Variants in LIPT1 observed in about 807,000 individuals in gnomAD.
LIPT1 encodes lipoyl amidotransferase LIPT1, mitochondrial.
LIPT1 carries 22 observed loss-of-function variants against 25.1 expected under a neutral mutation model. The ratio of observed to expected loss-of-function variants is 0.88; its 90% CI spans 0.63 to 1.25. The LOEUF is 1.25. Among genes scored for constraint, LIPT1 ranks in the 50% most tolerant of loss-of-function variants. The pLI, the probability that LIPT1 is intolerant of heterozygous loss-of-function variation, is 0.00. For missense variants in LIPT1, 399 were observed against 432.8 expected, an observed-to-expected ratio of 0.92 and a Z score of 0.69; for synonymous variants, 131 against 150.8, an observed-to-expected ratio of 0.87 and a Z score of 0.96.
At chr2:99,159,224 C>G (rs930648022) in intron 1 of LIPT1, among the ~76,000 whole-genome samples, 1 of 151,784 alleles carries the variant, frequency 6.6e-6, no homozygotes, top group African/African-American at 2.4e-5. Context: ...CCACCATGCC[C>G]GGCTAATTTT....
intron 1 of LIPT1, 80 bp from the exon 2 acceptor site, chr2:99,161,877 C>A: frequency 7.9e-7 from 1 of 1,273,140 alleles, no homozygotes; most frequent in Non-Finnish European, 1.1e-6. Context: ...GATTAAATAA[C>A]CGATAATTGA....
At chr2:99,158,299 G>A (rs766134380) in intron 1 of LIPT1, among the ~76,000 whole-genome samples, 11 of 151,860 alleles carry the variant, frequency 7.2e-5, no homozygotes, top group Admixed American at 5.2e-4. Context: ...ATCTCTAGGC[G>A]GTGTCCCTGA....
At position 99,157,050 on chromosome 2, in the gene LIPT1, C is replaced by T. The variant is rs570366343; in HGVS notation, c.-2+1999C>T. On this transcript the variant is annotated intron_variant, in intron 1 of 1. Coordinates refer to ENST00000651691, the MANE Select transcript of LIPT1 (RefSeq NM_145199.3). ...TTTAATTCTCTCAACCATTTTATGA[C>T]GTCTGAGGCCACTGAAGCAGCTAGA... 8.5e-5 allele frequency among the ~76,000 whole-genome samples: 13 copies of T among 152,322 alleles called. 1 individual carries two copies. The South Asian group carries it at 2.3e-3, about 27-fold the overall frequency.
chr2:99,162,633 G>A lies in LIPT1; in HGVS notation c.676G>A (p.Val226Ile), dbSNP rs757729215. ...LEKDPTLTCE[V>I]LMNAVATEYA... The stretch of plus-strand genomic sequence containing the variant: ...AAAGGATCCCACTCTGACCTGTGAA[G>A]TACTAATGAATGCTGTTGCTACAGA... The change falls in exon 2 of 2, where the codon GTA becomes ATA. Residue 226 changes from valine (V) to isoleucine (I), a missense_variant. Val to Ile is a conservative substitution (Grantham distance 29). Coordinates refer to ENST00000651691, the MANE Select transcript of LIPT1 (RefSeq NM_145199.3). 7.4e-6 allele frequency: 12 copies of A among 1,613,954 alleles called. No homozygotes were observed. The South Asian group carries it at 1.3e-4, about 18-fold the overall frequency.
In LIPT1 at chr2:99,157,497, T is replaced by C. The variant is rs80271485; in HGVS notation, c.-2+2446T>C. On this transcript the variant is annotated intron_variant, in intron 1 of 1. Transcript: ENST00000651691. ...CCACTTCACAACTAGAATACCCTCA[T>C]TGTATCCACCTTGGGCCTCCTATTT... Among the ~76,000 whole-genome samples the C allele has an allele frequency of 9.6e-3, 1,466 of 152,320 alleles. 15 individuals carry two copies. Among genetic ancestry groups the C allele is most frequent in the African/African-American group, 0.034 (1,393 of 41,566 alleles).
At chr2:99,156,868 T>C (rs1001857240) in intron 1 of LIPT1, 1 of 152,270 alleles carries the variant, frequency 6.6e-6, no homozygotes, top group Non-Finnish European at 1.5e-5. Flanking sequence ...AATGCCACTT[T>C]GATGTGTCTT....
chr2:99,158,429 CAAAAAAAAAAA>C (rs753259893), intron 1 of LIPT1, among the ~76,000 whole-genome samples: 17 of 96,560 alleles, frequency 1.8e-4, no homozygotes, highest in South Asian at 3.8e-4. Context: ...TTCATCTCTA[CAAAAAAAAAAA>C]AAAAAAAAAA....
chr2:99,161,761 G>A lies in LIPT1; in HGVS notation c.-1-196G>A, dbSNP rs2093794820. ...GAAATTATTTCAACTGAAATTATTTGAAATTTGTCTTCATTTATTTCTTTT... is the reference window on the plus strand; with the variant it reads ...GAAATTATTTCAACTGAAATTATTTAAAATTTGTCTTCATTTATTTCTTTT... On this transcript the variant is annotated intron_variant, in intron 1 of 1. Coordinates refer to ENST00000651691, the MANE Select transcript of LIPT1 (RefSeq NM_145199.3). 6.3e-6 allele frequency: 3 copies of A among 472,774 alleles called. No individual in the cohort carries two copies. In the East Asian group the frequency reaches 9.6e-5, roughly 15 times the overall value. The allele number at this position is 472,774 out of a possible 1,614,324, so 29.3% of individuals were successfully genotyped here.
chr2:99,161,291 A>C (rs13026523), intron 1 of LIPT1: 1 of 21,808 alleles, frequency 4.6e-5, no homozygotes, highest in African/African-American at 1.8e-4. Context: ...AAAAAAAAAA[A>C]ATATATATAT....
At chr2:99,155,537 C>T in intron 1 of LIPT1, 1 of 454,744 alleles carries the variant, frequency 2.2e-6, no homozygotes. Context: ...GTCCCAAGAA[C>T]ATGGAAGGTA....
chr2:99,162,036 A>G lies in LIPT1; in HGVS notation c.79A>G (p.Thr27Ala). The G allele has an allele frequency of 6.2e-7, 1 of 1,614,126 alleles. No individual in the cohort carries two copies. The highest frequency in any genetic ancestry group is 1.3e-5 in the African/African-American group (1 of 75,048). ...CQVPAAGFKKTVKNGLILQSI... is the reference protein window; with the variant it reads ...CQVPAAGFKKAVKNGLILQSI... Reference sequence around the variant, plus strand: ...GGTCCCAGCAGCTGGCTTTAAAAAAACAGTAAAAAATGGGCTCATTTTACA... The same window carrying G: ...GGTCCCAGCAGCTGGCTTTAAAAAAGCAGTAAAAAATGGGCTCATTTTACA... Residue 27 changes from threonine to alanine, a missense_variant, in exon 2 of 2, where the codon ACA becomes GCA. Transcript: ENST00000651691.
In LIPT1 at chr2:99,163,034, C is replaced by T. The variant is rs755679161; in HGVS notation, c.1077C>T (p.Asn359=). The T allele has an allele frequency of 1.9e-6, 3 of 1,591,754 alleles. No individual in the cohort carries two copies. The highest frequency in any genetic ancestry group is 2.7e-5 in the African/African-American group (2 of 73,778). ...LRTCPQDHKL[N]SKWNILCEKI... ...CATGTCCACAAGACCACAAACTAAA[C>T]AGTAAATGGAATATTCTCTGTGAAA... is the stretch of plus-strand genomic sequence containing the variant. The change falls in exon 2 of 2, where the codon AAC becomes AAT. Residue 359 remains asparagine, a synonymous_variant. Coordinates refer to ENST00000651691, the MANE Select transcript of LIPT1 (RefSeq NM_145199.3).
In LIPT1 at chr2:99,162,940, A is replaced by G; in HGVS notation, c.983A>G (p.Asn328Ser). 6.2e-7 allele frequency: 1 copy of G among 1,614,016 alleles called. No individual in the cohort carries two copies. Among genetic ancestry groups the G allele is most frequent in the Non-Finnish European group, 8.5e-7 (1 of 1,179,984 alleles). The part of the protein sequence containing the change: ...WLPLEIRDKL[N>S]SSLIGSKFCP... ...CCATTGGAAATACGTGACAAATTAAATTCAAGTCTTATTGGCAGTAAGTTT... is the reference window on the plus strand; with the variant it reads ...CCATTGGAAATACGTGACAAATTAAGTTCAAGTCTTATTGGCAGTAAGTTT... Residue 328 changes from asparagine to serine, a missense_variant, in exon 2 of 2, where the codon AAT becomes AGT. By Grantham distance (46) the Asn-to-Ser change is conservative. Coordinates refer to ENST00000651691, the MANE Select transcript of LIPT1 (RefSeq NM_145199.3).
chr2:99,155,159 C>T, intron 1 of LIPT1, 108 bp downstream of exon 1: 2 of 426,712 alleles, frequency 4.7e-6, no homozygotes, highest in Non-Finnish European at 9.4e-6. Context: ...TCAGGACTTG[C>T]GGGTCGCCTC....
intron 1 of LIPT1, among the ~76,000 whole-genome samples, chr2:99,160,669 TCTTAGC>T (rs1183245363): frequency 2.6e-5 from 4 of 152,218 alleles, no homozygotes; most frequent in Admixed American, 2.0e-4. Flanking sequence ...GTGAATTTAT[TCTTAGC>T]CTTTGTATAT....
chr2:99,160,842 T>C (rs1219716806), intron 1 of LIPT1, among the ~76,000 whole-genome samples: 3 of 152,132 alleles, frequency 2.0e-5, no homozygotes, highest in Non-Finnish European at 4.4e-5. Context: ...ATGAAAGCTT[T>C]CCACGGAAAT....
intron 1 of LIPT1, 164 bp downstream of exon 1, chr2:99,155,215 T>G: frequency 2.7e-6 from 1 of 375,970 alleles, no homozygotes; most frequent in Non-Finnish European, 5.3e-6. Flanking sequence ...CCTCAGCACT[T>G]GGGACGACCT....
At chr2:99,156,053 T>G (rs1032768596) in intron 1 of LIPT1, among the ~76,000 whole-genome samples, 2 of 152,182 alleles carry the variant, frequency 1.3e-5, no homozygotes, top group Non-Finnish European at 2.9e-5. Context: ...TCCCTTTGTT[T>G]TCACTTTTTC....
chr2:99,162,997 T>C lies in LIPT1; in HGVS notation c.1040T>C (p.Ile347Thr), dbSNP rs764334577. 1.4e-5 allele frequency: 23 copies of C among 1,612,888 alleles called. 1 individual carries two copies. The highest frequency in any genetic ancestry group is 3.3e-5 in the South Asian group (3 of 90,900). ...CPTETTMLTN[I>T]LLRTCPQDHK... is the part of the protein sequence containing the mutation. ...ACTGAAACTACCATGCTAACAAATA[T>C]ATTACTTAGAACATGTCCACAAGAC... Residue 347 changes from isoleucine (I) to threonine (T), a missense_variant, in exon 2 of 2, where the codon ATA becomes ACA. Physicochemically the swap from Ile to Thr is moderately conservative, Grantham distance 89. Coordinates refer to ENST00000651691, the MANE Select transcript of LIPT1 (RefSeq NM_145199.3).
Sources: allele counts gnomAD v4.1 joint callset (sites outside exome capture counted in the v4.1 genomes callset), GRCh38; gene constraint gnomAD v4.1.1; transcripts MANE v1.5; gene names NCBI Gene and HGNC (gene_info 2026-07-23, HGNC 2026-07-21).